The following TNPO1 variants were observed in gnomAD, a reference collection of about 807,000 sequenced individuals.
The protein encoded by TNPO1 is transportin-1.
Under a neutral mutation model 119.5 loss-of-function variants are expected in TNPO1, and 8 were observed. The observed-to-expected ratio is 0.07, with a 90% CI of 0.04 to 0.12. TNPO1 has a LOEUF of 0.12. Ranked by LOEUF, TNPO1 falls within the 10% of genes least tolerant of loss-of-function variation. TNPO1 has a pLI of 1.00. For missense variants in TNPO1, 576 were observed against 1,089.8 expected (o/e 0.53, Z 6.64); for synonymous variants, 362 against 363.0 (o/e 1.00, Z 0.03).
In TNPO1 at chr5:72,884,458, C is replaced by T. The variant is rs1274413489; in HGVS notation, c.1150+1226C>T. ...GGTAATTTGCATGAAAATTGGCTAT[C>T]ATAGGTAATTCTAAAATAATATAAG... On this transcript the variant is annotated intron_variant, in intron 11 of 24. Transcript: ENST00000337273. 3.3e-5 allele frequency among the ~76,000 whole-genome samples: 5 copies of T among 152,116 alleles called. No individual in the cohort carries two copies. The East Asian group carries it at 9.6e-4, about 29-fold the overall frequency.
intron 2 of TNPO1, among the ~76,000 whole-genome samples, chr5:72,849,046 C>G (rs1434604924): frequency 6.6e-6 from 1 of 151,634 alleles, no homozygotes; most frequent in Non-Finnish European, 1.5e-5. Context: ...ACGTCCTTGC[C>G]CTAAAAAGGC....
intron 1 of TNPO1, among the ~76,000 whole-genome samples, chr5:72,825,410 A>G (rs1744159291): frequency 1.3e-5 from 2 of 152,144 alleles, no homozygotes; most frequent in Non-Finnish European, 2.9e-5. Flanking sequence ...CCTAGAGGCC[A>G]GGTGCGGTGG....
intron 1 of TNPO1, among the ~76,000 whole-genome samples, chr5:72,831,346 G>GT (rs931352275): frequency 1.1e-4 from 16 of 151,460 alleles, no homozygotes; most frequent in Admixed American, 9.2e-4. Flanking sequence ...TATATATATT[G>GT]TTTTTTCTTA....
Position 72,912,950 on chromosome 5 carries a change from A to G in TNPO1, c.*4277A>G, listed in dbSNP as rs776550999. 14 of 152,502 alleles carry G rather than the reference A, an allele frequency of 9.2e-5. No individual in the cohort carries two copies. Among genetic ancestry groups the G allele is most frequent in the Admixed American group, 9.2e-4 (14 of 15,272 alleles). The allele number at this position is 152,502 out of a possible 1,614,324, so 9.4% of individuals were successfully genotyped here. A position where few individuals can be genotyped will look rare whatever the true frequency, so the allele number is the denominator to read the frequency against. ...CCTTTGATAATACTTCAAAACATACACAGCTTTGCTTACTGAATTATTTTT... is the reference window on the plus strand; with the variant it reads ...CCTTTGATAATACTTCAAAACATACGCAGCTTTGCTTACTGAATTATTTTT... On this transcript the variant is annotated 3_prime_UTR_variant, in exon 25 of 25. Coordinates refer to ENST00000337273, the MANE Select transcript of TNPO1 (RefSeq NM_002270.4).
intron 3 of TNPO1, 144 bp downstream of exon 3, chr5:72,851,463 C>A: frequency 1.7e-6 from 1 of 573,976 alleles, no homozygotes; most frequent in Non-Finnish European, 3.1e-6. Flanking sequence ...GTTAATACCA[C>A]TCAGTATTTA....
rs184941508 is a variant in TNPO1 at position 72,904,359 on chromosome 5, A to G, written c.2589+576A>G. 9.8e-5 allele frequency among the ~76,000 whole-genome samples: 15 copies of G among 152,338 alleles called. No homozygotes were observed. In the East Asian group the frequency reaches 2.9e-3, roughly 29 times the overall value. On this transcript the variant is annotated intron_variant, in intron 23 of 24. Transcript: ENST00000337273. ...TTCTCTACTTTATCTTTTCGTTAGTATGGTATCAGAGATTGCTTAGAGTAT... is the reference window on the plus strand; with the variant it reads ...TTCTCTACTTTATCTTTTCGTTAGTGTGGTATCAGAGATTGCTTAGAGTAT...
intron 24 of TNPO1, among the ~76,000 whole-genome samples, chr5:72,906,580 T>C (rs1326050135): frequency 6.6e-6 from 1 of 152,164 alleles, no homozygotes; most frequent in Non-Finnish European, 1.5e-5. Context: ...CGTAAGCCAC[T>C]GAGCCCAGTG....
intron 10 of TNPO1, 54 bp from the exon 11 acceptor site, chr5:72,883,010 A>G (rs1748360410): frequency 2.4e-6 from 3 of 1,241,648 alleles, no homozygotes; most frequent in Admixed American, 1.7e-5. Flanking sequence ...ACTCATGTAC[A>G]TACTATTAGC....
intron 4 of TNPO1, among the ~76,000 whole-genome samples, chr5:72,857,871 A>G (rs551490651): frequency 6.6e-6 from 1 of 152,374 alleles, no homozygotes; most frequent in South Asian, 2.1e-4. Context: ...TTCACCTTCC[A>G]TAAGGTTTTT....
In TNPO1 at chr5:72,910,439, C is replaced by A. The variant is rs1271596645; in HGVS notation, c.*1766C>A. 2.0e-5 allele frequency: 3 copies of A among 152,490 alleles called. No homozygotes were observed. The highest frequency in any genetic ancestry group is 7.2e-5 in the African/African-American group (3 of 41,410). The allele number at this position is 152,490 out of a possible 1,614,324, so 9.4% of individuals were successfully genotyped here. A position where few individuals can be genotyped will look rare whatever the true frequency, so the allele number is the denominator to read the frequency against. ...GCAAGTCTTTATTAATTTGGATTGCCTGAACAGTGTATCCCATGATGATGA... is the reference window on the plus strand; with the variant it reads ...GCAAGTCTTTATTAATTTGGATTGCATGAACAGTGTATCCCATGATGATGA... On this transcript the variant is annotated 3_prime_UTR_variant, in exon 25 of 25. Transcript: ENST00000337273.
chr5:72,837,494 C>T (rs963792463), intron 1 of TNPO1, among the ~76,000 whole-genome samples: 1 of 152,190 alleles, frequency 6.6e-6, no homozygotes, highest in Non-Finnish European at 1.5e-5. Flanking sequence ...GTCCCCACCT[C>T]TTAATACTAT....
Position 72,872,736 on chromosome 5 carries a change from G to A in TNPO1, c.678+16G>A, listed in dbSNP as rs1221272980. Reference sequence around the variant, plus strand: ...TTTTATTGAGGTAAGACTTGTTCTTGTCTCCCTCCCAACCCCCCAGCTTTT... The same window carrying A: ...TTTTATTGAGGTAAGACTTGTTCTTATCTCCCTCCCAACCCCCCAGCTTTT... On this transcript the variant is annotated intron_variant, in intron 7 of 24. Transcript: ENST00000337273. The A allele has an allele frequency of 1.3e-6, 2 of 1,551,668 alleles. No individual in the cohort carries two copies. The highest frequency in any genetic ancestry group is 2.3e-5 in the East Asian group (1 of 43,810).
chr5:72,868,673 A>G (rs1324615478), intron 6 of TNPO1, among the ~76,000 whole-genome samples: 1 of 152,078 alleles, frequency 6.6e-6, no homozygotes, highest in African/African-American at 2.4e-5. Context: ...TTTCATGACT[A>G]AAGCTTCAAA....
chr5:72,867,606 A>G (rs192146327), intron 6 of TNPO1, among the ~76,000 whole-genome samples: 1 of 152,336 alleles, frequency 6.6e-6, no homozygotes, highest in Admixed American at 6.5e-5. Context: ...AACATAAGCA[A>G]TCAGATCCAC....
intron 1 of TNPO1, among the ~76,000 whole-genome samples, chr5:72,847,277 A>G (rs1482052411): frequency 6.6e-6 from 1 of 152,208 alleles, no homozygotes; most frequent in Non-Finnish European, 1.5e-5. Flanking sequence ...TCCTTTATCA[A>G]ACTGTTTGGT....
At chr5:72,833,316 T>C (rs1744559912) in intron 1 of TNPO1, among the ~76,000 whole-genome samples, 1 of 152,170 alleles carries the variant, frequency 6.6e-6, no homozygotes, top group South Asian at 2.1e-4. Flanking sequence ...AATTTGAATG[T>C]TTTAGGGAGT....
intron 11 of TNPO1, among the ~76,000 whole-genome samples, chr5:72,886,049 C>G (rs746553197): frequency 3.3e-5 from 5 of 152,114 alleles, no homozygotes; most frequent in Non-Finnish European, 7.4e-5. Flanking sequence ...CCCTTAAGAC[C>G]TAATCATCTC....
At chr5:72,887,966 A>G (rs1372918546) in intron 12 of TNPO1, 112 bp from the exon 13 acceptor site, 2 of 985,032 alleles carry the variant, frequency 2.0e-6, no homozygotes, top group Admixed American at 2.4e-5. Context: ...TAGTATGTGT[A>G]TAGCAGTAGA....
rs977177499 is a variant in TNPO1 at position 72,869,554 on chromosome 5, T to C, written c.597-3085T>C. 1.2e-4 allele frequency among the ~76,000 whole-genome samples: 18 copies of C among 151,978 alleles called. No homozygotes were observed. The East Asian group carries it at 1.4e-3, about 11-fold the overall frequency. On this transcript the variant is annotated intron_variant, in intron 6 of 24. Transcript: ENST00000337273. ...AGAGTGAGACTCCATCTCAAAAAAA[T>C]AAATAAAGACAGTTTTACCTTATAA...
Sources: gnomAD v4.1 joint callset for allele counts (sites outside exome capture counted in the v4.1 genomes callset) on GRCh38, gnomAD v4.1.1 for gene constraint, MANE v1.5 for transcripts, NCBI Gene and HGNC (gene_info 2026-07-23, HGNC 2026-07-21) for gene names.